The following RAD51B variants were observed in gnomAD, a reference collection of about 807,000 sequenced individuals.
The protein encoded by RAD51B is RAD51 paralog B.
Under a neutral mutation model 42.2 loss-of-function variants are expected in RAD51B, and 38 were observed. The ratio of observed to expected loss-of-function variants is 0.90; its 90% CI spans 0.70 to 1.18. The LOEUF is 1.18. Among genes scored for constraint, RAD51B ranks in the 50% most tolerant of loss-of-function variants. The pLI is 0.00. For missense variants in RAD51B, 373 were observed against 400.7 expected (o/e 0.93, Z 0.59); for synonymous variants, 154 against 145.2 (o/e 1.06, Z -0.43).
chr14:68,682,910 C>CTTT lies in RAD51B; in HGVS notation c.*11+32072_*11+32074dup, dbSNP rs535044457. Reference sequence around the variant, plus strand: ...TTTAATAAAAATCTGTAGCTTATGGCTTTTTTTTTTTTTTTTTTTTGTATA... The same window carrying CTTT: ...TTTAATAAAAATCTGTAGCTTATGGCTTTTTTTTTTTTTTTTTTTTTTTGTATA... On this transcript the variant is annotated intron_variant, in intron 11 of 11. Coordinates refer to the RAD51B transcript ENST00000488612. 6.7e-3 allele frequency: 4,693 copies of CTTT among 700,142 alleles called. 102 individuals are homozygous for CTTT. The highest frequency in any genetic ancestry group is 0.043 in the East Asian group (216 of 5,016). The allele number at this position is 700,142 out of a possible 1,614,324, so 43.4% of individuals were successfully genotyped here. A position where few individuals can be genotyped will look rare whatever the true frequency, so the allele number is the denominator to read the frequency against.
chr14:68,670,850 C>G (rs1204717399), intron 11 of RAD51B, among the ~76,000 whole-genome samples: 2 of 152,196 alleles, frequency 1.3e-5, no homozygotes, highest in Non-Finnish European at 2.9e-5. Flanking sequence ...TCACTGCCAG[C>G]TCTCCACCAC....
In RAD51B at chr14:68,636,058, G is replaced by A. The variant is rs556756525; in HGVS notation, c.1037-14723G>A. 7.9e-5 allele frequency among the ~76,000 whole-genome samples: 12 copies of A among 152,252 alleles called. No individual in the cohort carries two copies. In the South Asian group the frequency reaches 1.0e-3, roughly 13 times the overall value. On this transcript the variant is annotated intron_variant, in intron 10 of 11. Coordinates refer to the RAD51B transcript ENST00000488612. Reference sequence around the variant, plus strand: ...AAATTGTCCATTGAGGCCTCCAGCCGTGAGTGCTTTTTTCCATGGACTGTT... The same window carrying A: ...AAATTGTCCATTGAGGCCTCCAGCCATGAGTGCTTTTTTCCATGGACTGTT...
chr14:68,279,520 T>A (rs2081282876), intron 7 of RAD51B, among the ~76,000 whole-genome samples: 1 of 152,182 alleles, frequency 6.6e-6, no homozygotes, highest in Admixed American at 6.5e-5. Flanking sequence ...CAGCCTGGCC[T>A]CTTGGCTAGA....
intron 7 of RAD51B, among the ~76,000 whole-genome samples, chr14:67,893,495 C>CAA (rs2043291369): frequency 2.6e-5 from 2 of 77,608 alleles, no homozygotes; most frequent in Admixed American, 1.1e-4. Flanking sequence ...CACACACACA[C>CAA]ACACACACAC....
At chr14:68,254,434 C>G (rs894122187) in intron 7 of RAD51B, among the ~76,000 whole-genome samples, 8 of 152,142 alleles carry the variant, frequency 5.3e-5, no homozygotes, top group Non-Finnish European at 1.0e-4. Context: ...TGATTATTTC[C>G]TTCAATTTTG....
intron 7 of RAD51B, among the ~76,000 whole-genome samples, chr14:68,285,850 A>G (rs903961270): frequency 2.0e-5 from 3 of 152,158 alleles, no homozygotes; most frequent in Admixed American, 6.5e-5. Flanking sequence ...GGAAATGATA[A>G]CCACATGTTA....
chr14:68,061,163 G>A (rs1337379576), intron 7 of RAD51B, among the ~76,000 whole-genome samples: 1 of 150,372 alleles, frequency 6.7e-6, no homozygotes, highest in Non-Finnish European at 1.5e-5. Flanking sequence ...CTGCCTCCCG[G>A]GTTTGAGTGA....
At chr14:68,373,946 G>A (rs1368672394) in intron 8 of RAD51B, among the ~76,000 whole-genome samples, 3 of 152,156 alleles carry the variant, frequency 2.0e-5, no homozygotes, top group Non-Finnish European at 4.4e-5. Flanking sequence ...AACTCTGTAA[G>A]CCTTATCTTT....
intron 8 of RAD51B, among the ~76,000 whole-genome samples, chr14:68,393,877 T>C (rs2083833667): frequency 6.6e-6 from 1 of 152,242 alleles, no homozygotes; most frequent in Non-Finnish European, 1.5e-5. Flanking sequence ...GGGATCTGTT[T>C]CTGCAAACTC....
intron 7 of RAD51B, among the ~76,000 whole-genome samples, chr14:68,131,278 A>G (rs1250332244): frequency 6.6e-6 from 1 of 152,250 alleles, no homozygotes; most frequent in East Asian, 1.9e-4. Context: ...ATTTAATTTT[A>G]TAGAAGTTAA....
chr14:68,157,735 A>AT (rs1430978045), intron 7 of RAD51B, among the ~76,000 whole-genome samples: 1 of 152,140 alleles, frequency 6.6e-6, no homozygotes, highest in Admixed American at 6.5e-5. Context: ...ACAAACTATT[A>AT]TTTTTTTAAG....
chr14:68,265,222 C>T (rs1284371411), intron 7 of RAD51B, among the ~76,000 whole-genome samples: 2 of 152,200 alleles, frequency 1.3e-5, no homozygotes, highest in Non-Finnish European at 2.9e-5. Context: ...ATTATAATAG[C>T]AGAGTTACTG....
intron 7 of RAD51B, among the ~76,000 whole-genome samples, chr14:68,240,336 A>G (rs1159650130): frequency 2.0e-5 from 3 of 152,234 alleles, no homozygotes; most frequent in Non-Finnish European, 4.4e-5. Context: ...AGGGAAGGAC[A>G]GACAATAAAC....
chr14:67,878,825 G>A (rs891777797), intron 5 of RAD51B, among the ~76,000 whole-genome samples: 3 of 151,902 alleles, frequency 2.0e-5, no homozygotes, highest in East Asian at 1.9e-4. Context: ...TCAGCCTCCC[G>A]AATAGTTGCA....
chr14:68,621,744 T>C (rs1200921282), intron 10 of RAD51B, among the ~76,000 whole-genome samples: 2 of 151,854 alleles, frequency 1.3e-5, no homozygotes, highest in African/African-American at 2.4e-5. Context: ...CCTGTTGCTA[T>C]TGGAAACATA....
chr14:68,371,036 C>CAAAAAAAAAAAAAAAAAAAAAA (rs75617123), intron 8 of RAD51B, among the ~76,000 whole-genome samples: 7 of 26,100 alleles, frequency 2.7e-4, no homozygotes, highest in African/African-American at 3.9e-4. Context: ...GACTCTGTCT[C>CAAAAAAAAAAAAAAAAAAAAAA]AAAAAAAAAA....
At chr14:68,653,054 C>A (rs944101916) in intron 11 of RAD51B, among the ~76,000 whole-genome samples, 1 of 152,272 alleles carries the variant, frequency 6.6e-6, no homozygotes, top group Admixed American at 6.5e-5. Context: ...ATGTTTTATT[C>A]TATCCTTGTC....
intron 10 of RAD51B, among the ~76,000 whole-genome samples, chr14:68,591,582 C>G (rs1191417786): frequency 6.6e-6 from 1 of 152,210 alleles, no homozygotes; most frequent in Admixed American, 6.5e-5. Context: ...TGCTCTTCTT[C>G]CCTGGGCCTC....
At chr14:68,103,166 AC>A (rs566765288) in intron 7 of RAD51B, among the ~76,000 whole-genome samples, 1 of 152,066 alleles carries the variant, frequency 6.6e-6, no homozygotes, top group African/African-American at 2.4e-5. Flanking sequence ...AAACCAGTCA[AC>A]CCCCACACCA....
Sources: gnomAD v4.1 joint callset for allele counts (sites outside exome capture counted in the v4.1 genomes callset) on GRCh38, gnomAD v4.1.1 for gene constraint, MANE v1.5 for transcripts, NCBI Gene and HGNC (gene_info 2026-07-23, HGNC 2026-07-21) for gene names.